IFT88: variants seen among roughly 807,000 people sequenced by gnomAD.
The protein encoded by IFT88 is intraflagellar transport 88.
A neutral mutation model predicts 119.5 loss-of-function variants in IFT88; 74 were observed. That is an observed-to-expected ratio of 0.62 (90% confidence interval 0.51 to 0.75). The LOEUF (loss-of-function observed/expected upper bound fraction) is 0.75, where lower values mean the gene tolerates loss of function less well. Among genes scored for constraint, IFT88 ranks in the 30% least tolerant of loss-of-function variants. The probability of loss-of-function intolerance (pLI) is 0.00; values close to 1 mark genes in which losing one functional copy is unlikely to be tolerated. For synonymous variants in IFT88, 279 were observed against 316.7 expected (o/e 0.88, Z 1.26); for missense variants, 961 against 977.7 (o/e 0.98, Z 0.23).
intron 8 of IFT88, among the ~76,000 whole-genome samples, chr13:20,596,800 C>T (rs943424869): frequency 6.6e-6 from 1 of 152,086 alleles, no homozygotes; most frequent in Non-Finnish European, 1.5e-5. Context: ...CTTTAAAAAG[C>T]TGCTTTTACT....
intron 3 of IFT88, among the ~76,000 whole-genome samples, chr13:20,589,493 A>C (rs1309052815): frequency 6.6e-6 from 1 of 152,190 alleles, no homozygotes; most frequent in Admixed American, 6.5e-5. Context: ...TGTTTGGCCT[A>C]GTGGCTAGCA....
chr13:20,598,876 A>T (rs2042164302), intron 10 of IFT88, 123 bp downstream of exon 10: 5 of 594,194 alleles, frequency 8.4e-6, no homozygotes, highest in Non-Finnish European at 1.5e-5. Context: ...AGTATTTATG[A>T]TAGGGGTATC....
intron 24 of IFT88, among the ~76,000 whole-genome samples, chr13:20,676,234 C>T (rs985594709): frequency 6.6e-6 from 1 of 152,128 alleles, no homozygotes. Context: ...ATCCATGGAC[C>T]ACCTTCCTGA....
In IFT88 at chr13:20,662,913, G is replaced by A. The variant is rs184236977; in HGVS notation, c.2069-585G>A. 7.8e-4 allele frequency among the ~76,000 whole-genome samples: 119 copies of A among 152,272 alleles called. 1 individual carries two copies. Among genetic ancestry groups the A allele is most frequent in the South Asian group, 7.3e-3 (35 of 4,826 alleles). ...ATCTGGTGATATGTATAAAGTGATC[G>A]AAGATTTTGTTGTTGTTATTGTATA... is the stretch of plus-strand genomic sequence containing the variant. On this transcript the variant is annotated intron_variant, in intron 22 of 25. Transcript: ENST00000351808.
chr13:20,677,805 G>A (rs1418128292), intron 24 of IFT88, among the ~76,000 whole-genome samples: 4 of 152,172 alleles, frequency 2.6e-5, no homozygotes, highest in African/African-American at 9.7e-5. Context: ...AATGGATAAT[G>A]AAATCAATTT....
At chr13:20,601,603 A>C (rs1289356240) in intron 11 of IFT88, 102 bp from the exon 12 acceptor site, 13 of 667,652 alleles carry the variant, frequency 1.9e-5, no homozygotes, top group Non-Finnish European at 3.3e-5. Context: ...AACAAAAACG[A>C]AGTAAAGTGG....
intron 24 of IFT88, among the ~76,000 whole-genome samples, chr13:20,685,260 G>A (rs1005906659): frequency 6.6e-6 from 1 of 152,092 alleles, no homozygotes; most frequent in Admixed American, 6.5e-5. Context: ...GGGTGGGGGG[G>A]CCAGGTTTTC....
intron 23 of IFT88, among the ~76,000 whole-genome samples, chr13:20,670,169 C>G (rs556353122): frequency 3.3e-5 from 5 of 152,134 alleles, no homozygotes; most frequent in Non-Finnish European, 5.9e-5. Context: ...TATTAAAGAT[C>G]TAAATAAAAT....
At chr13:20,629,566 A>G (rs553161813) in intron 15 of IFT88, among the ~76,000 whole-genome samples, 111 of 152,348 alleles carry the variant, frequency 7.3e-4, no homozygotes, top group African/African-American at 2.5e-3. Context: ...GCAAATAATA[A>G]TAAATAAAAG....
intron 14 of IFT88, among the ~76,000 whole-genome samples, chr13:20,618,359 T>G (rs753898520): frequency 1.3e-5 from 2 of 152,198 alleles, no homozygotes; most frequent in Non-Finnish European, 2.9e-5. Context: ...GAGTGAGTAT[T>G]TACATTTGTG....
At chr13:20,629,816 A>G (rs1392419934) in intron 15 of IFT88, among the ~76,000 whole-genome samples, 1 of 152,338 alleles carries the variant, frequency 6.6e-6, no homozygotes. Context: ...GGAGGCACCA[A>G]GAGTCAAGCA....
intron 2 of IFT88, among the ~76,000 whole-genome samples, chr13:20,580,192 C>T (rs149358413): frequency 2.6e-5 from 4 of 152,260 alleles, no homozygotes; most frequent in Non-Finnish European, 4.4e-5. Context: ...ACTTTAATGA[C>T]TACATAATAT....
chr13:20,570,793 C>T (rs2036195341), intron 1 of IFT88, among the ~76,000 whole-genome samples: 1 of 145,126 alleles, frequency 6.9e-6, no homozygotes, highest in African/African-American at 2.5e-5. Context: ...GATGGTTGCA[C>T]AACCTTGTGA....
chr13:20,591,666 A>G lies in IFT88; in HGVS notation c.313A>G (p.Lys105Glu). 1 of 1,612,220 alleles carries G rather than the reference A, an allele frequency of 6.2e-7. No individual in the cohort carries two copies. Among genetic ancestry groups the G allele is most frequent in the Non-Finnish European group, 8.5e-7 (1 of 1,178,560 alleles). The change falls in exon 6 of 26, where the codon AAA (lysine) becomes GAA (glutamate). Residue 105 changes from lysine to glutamate, a missense_variant. By Grantham distance (56) the Lys-to-Glu change is moderately conservative. Transcript: ENST00000351808. Reference sequence around the variant, plus strand: ...AGCAGTGAGAGCAGCTGGTTTTACCAAAGCAGCTTTGAGAGGTTTGTTACA... The same window carrying G: ...AGCAGTGAGAGCAGCTGGTTTTACCGAAGCAGCTTTGAGAGGTTTGTTACA... ...MTAVRAAGFT[K>E]AALRGSAFDP...
chr13:20,683,671 C>T (rs1298079525), intron 24 of IFT88, among the ~76,000 whole-genome samples: 1 of 152,098 alleles, frequency 6.6e-6, no homozygotes, highest in Non-Finnish European at 1.5e-5. Context: ...ATCTACCAAT[C>T]CTTTCATTCA....
At chr13:20,629,985 T>C (rs2047943670) in intron 15 of IFT88, among the ~76,000 whole-genome samples, 1 of 152,214 alleles carries the variant, frequency 6.6e-6, no homozygotes, top group Non-Finnish European at 1.5e-5. Context: ...CACATCTTAC[T>C]TGGTTAGGAT....
chr13:20,597,508 G>A (rs1199916903), intron 9 of IFT88, among the ~76,000 whole-genome samples: 2 of 152,090 alleles, frequency 1.3e-5, no homozygotes, highest in Non-Finnish European at 2.9e-5. Context: ...ACTTTGGGAG[G>A]CCGAGGCGGG....
intron 23 of IFT88, among the ~76,000 whole-genome samples, chr13:20,669,446 G>T (rs2055387857): frequency 6.7e-6 from 1 of 149,140 alleles, no homozygotes; most frequent in Non-Finnish European, 1.5e-5. Context: ...TTTTGAGACG[G>T]AGTCCCTCTC....
chr13:20,585,336 G>A (rs2039471379), intron 3 of IFT88, among the ~76,000 whole-genome samples: 1 of 152,138 alleles, frequency 6.6e-6, no homozygotes, highest in African/African-American at 2.4e-5. Context: ...TTTAATCATG[G>A]GAAAGATACA....
Sources: allele counts gnomAD v4.1 joint callset (sites outside exome capture counted in the v4.1 genomes callset), GRCh38; gene constraint gnomAD v4.1.1; transcripts MANE v1.5; gene names NCBI Gene and HGNC (gene_info 2026-07-23, HGNC 2026-07-21).